The following LATS1 variants were observed in gnomAD, a reference collection of about 807,000 sequenced individuals.
LATS1 encodes large tumor suppressor kinase 1, also known as serine/threonine-protein kinase LATS1.
LATS1 carries 25 observed loss-of-function variants against 106.6 expected under a neutral mutation model. That is an observed-to-expected ratio of 0.23 (90% confidence interval 0.17 to 0.33). The LOEUF is 0.33. Among genes scored for constraint, LATS1 ranks in the 10% least tolerant of loss-of-function variants. The probability of loss-of-function intolerance (pLI) is 1.00; values close to 1 mark genes in which losing one functional copy is unlikely to be tolerated. For synonymous variants in LATS1, 465 were observed against 455.6 expected (o/e 1.02, Z -0.26); for missense variants, 1,040 against 1,382.6 (o/e 0.75, Z 3.93).
Position 149,716,645 on chromosome 6 carries a change from G to A in LATS1, c.-141+1204C>T, listed in dbSNP as rs528797168. On this transcript the variant is annotated intron_variant, in intron 1 of 7. Transcript: ENST00000543571. ...GATATTATACATTAAAAATGTAGTA[G>A]AAGTATTTTTTGGTGAGCAGCAAGG... is the stretch of plus-strand genomic sequence containing the variant. Among the ~76,000 whole-genome samples the A allele has an allele frequency of 2.6e-5, 4 of 152,306 alleles. No homozygotes were observed. In the East Asian group the frequency reaches 7.7e-4, roughly 29 times the overall value.
chr6:149,700,434 C>A (rs1417596123), intron 2 of LATS1, among the ~76,000 whole-genome samples: 1 of 152,118 alleles, frequency 6.6e-6, no homozygotes, highest in African/African-American at 2.4e-5. Flanking sequence ...GATCGCACCA[C>A]TGCACTCCAG....
At chr6:149,704,954 G>A (rs55692529) in intron 1 of LATS1, among the ~76,000 whole-genome samples, 1,742 of 136,194 alleles carry the variant, frequency 0.013, 39 homozygotes, top group African/African-American at 0.046. Context: ...GAGACATGAC[G>A]AAGCCCTGTA....
intron 7 of LATS1, among the ~76,000 whole-genome samples, chr6:149,669,751 C>T (rs1378404488): frequency 6.6e-6 from 1 of 151,568 alleles, no homozygotes; most frequent in South Asian, 2.1e-4. Context: ...AGAGCAAGAC[C>T]TTGTCAAAAG....
chr6:149,717,814 G>A, intron 1 of LATS1, 35 bp downstream of exon 1: 1 of 289,034 alleles, frequency 3.5e-6, no homozygotes, highest in Non-Finnish European at 6.7e-6. Flanking sequence ...TCGAGCACTG[G>A]AGGAGCGCAC....
chr6:149,714,260 C>T (rs1173375846), intron 1 of LATS1, among the ~76,000 whole-genome samples: 1 of 152,156 alleles, frequency 6.6e-6, no homozygotes, highest in Non-Finnish European at 1.5e-5. Context: ...GCATGAGCTA[C>T]CACGCCCAGC....
intron 5 of LATS1, among the ~76,000 whole-genome samples, chr6:149,679,624 TTAA>T (rs1394160985): frequency 2.0e-5 from 3 of 152,042 alleles, no homozygotes; most frequent in African/African-American, 4.8e-5. Flanking sequence ...CTCAAAAATG[TTAA>T]TAATATTTAG....
intron 1 of LATS1, among the ~76,000 whole-genome samples, chr6:149,706,365 G>C (rs1366372337): frequency 6.6e-6 from 1 of 151,852 alleles, no homozygotes; most frequent in Non-Finnish European, 1.5e-5. Context: ...AAAATGAGCT[G>C]AGTGTGGCAG....
At chr6:149,714,577 G>T (rs1479216506) in intron 1 of LATS1, among the ~76,000 whole-genome samples, 2 of 152,050 alleles carry the variant, frequency 1.3e-5, no homozygotes, top group African/African-American at 4.8e-5. Flanking sequence ...AGAAGAAGCT[G>T]TTTAATTTCC....
intron 3 of LATS1, among the ~76,000 whole-genome samples, chr6:149,687,873 CTTT>C (rs1040108644): frequency 9.0e-5 from 12 of 133,850 alleles, no homozygotes; most frequent in African/African-American, 2.5e-4. Context: ...TGACCCTCCT[CTTT>C]TTTTTTTTTT....
In LATS1 at chr6:149,680,244, G is replaced by T. The variant is rs1232064962; in HGVS notation, c.2224C>A (p.Leu742Ile). ...ATKTLRKKDV[L>I]LRNQVAHVKA... Reference sequence around the variant, plus strand: ...ACATGAGCGACTTGATTTCGAAGAAGAACATCTTTCTTTCGAAGAGTTTTT... The same window carrying T: ...ACATGAGCGACTTGATTTCGAAGAATAACATCTTTCTTTCGAAGAGTTTTT... The change falls in exon 5 of 8, where the codon CTT (leucine) becomes ATT (isoleucine). Residue 742 changes from leucine to isoleucine, a missense_variant. Transcript: ENST00000543571. The T allele has an allele frequency of 1.2e-6, 2 of 1,614,010 alleles. No homozygotes were observed. The highest frequency in any genetic ancestry group is 2.7e-5 in the African/African-American group (2 of 75,058).
At chr6:149,704,824 T>G (rs527495090) in intron 1 of LATS1, among the ~76,000 whole-genome samples, 2 of 151,812 alleles carry the variant, frequency 1.3e-5, no homozygotes, top group East Asian at 3.9e-4. Context: ...TGTATGTTAA[T>G]AAAGCTGTTA....
chr6:149,696,386 T>C (rs888739793), intron 2 of LATS1, among the ~76,000 whole-genome samples: 1 of 149,606 alleles, frequency 6.7e-6, no homozygotes, highest in African/African-American at 2.4e-5. Flanking sequence ...CTGACCAACA[T>C]GGTAAAACCC....
chr6:149,661,980 A>G lies in LATS1; in HGVS notation c.3142T>C (p.Trp1048Arg), dbSNP rs1442417164. 1 of 1,614,174 alleles carries G rather than the reference A, an allele frequency of 6.2e-7. No individual in the cohort carries two copies. Among genetic ancestry groups the G allele is most frequent in the Admixed American group, 1.7e-5 (1 of 60,008 alleles). ...TTTTCTTCCTCGTTATCATCACTCC[A>G]TAATTTATCAGGATCAACAGGATCA... The part of the protein sequence containing the change: ...NFDPVDPDKL[W>R]SDDNEEENVN... Residue 1048 changes from tryptophan to arginine, a missense_variant, in exon 8 of 8, where the codon TGG (tryptophan) becomes CGG (arginine). This residue lies in a region of LATS1 where 113 missense variants were observed against 146.3 expected (regional missense o/e 0.77). Coordinates refer to ENST00000543571, the MANE Select transcript of LATS1 (RefSeq NM_004690.4).
At position 149,659,790 on chromosome 6, in the gene LATS1, A is replaced by C. The variant is rs1175566758; in HGVS notation, c.*1939T>G. On this transcript the variant is annotated 3_prime_UTR_variant, in exon 8 of 8. Transcript: ENST00000543571. ...AAATGTTCCATGAACCATGAGGTGA[A>C]GACTGCGATTTCATGATAGCACATT... 8.9e-6 allele frequency: 2 copies of C among 225,940 alleles called. No individual in the cohort carries two copies. Among genetic ancestry groups the C allele is most frequent in the Admixed American group, 1.1e-4 (2 of 17,542 alleles). 14.0% of individuals were successfully genotyped at this position (225,940 alleles called of 1,614,324 possible). A position where few individuals can be genotyped will look rare whatever the true frequency, so the allele number is the denominator to read the frequency against.
Position 149,695,038 on chromosome 6 carries a change from A to G in LATS1, c.496+36T>C, listed in dbSNP as rs1782978750. The G allele has an allele frequency of 3.9e-6, 6 of 1,530,990 alleles. No homozygotes were observed. The East Asian group carries it at 1.4e-4, about 35-fold the overall frequency. The allele number at this position is 1,530,990 out of a possible 1,614,324, so 94.8% of individuals were successfully genotyped here. ...CAGTATTTTTAAACTACACAGTAAA[A>G]GAAGAGATGAGAAAATAAAATATTT... On this transcript the variant is annotated intron_variant, in intron 3 of 7. Coordinates refer to ENST00000543571, the MANE Select transcript of LATS1 (RefSeq NM_004690.4).
intron 4 of LATS1, among the ~76,000 whole-genome samples, chr6:149,681,055 G>A (rs1012372674): frequency 2.0e-5 from 3 of 151,996 alleles, no homozygotes; most frequent in Non-Finnish European, 1.5e-5. Flanking sequence ...GTAAAGGTGC[G>A]ACTCACAGTC....
intron 1 of LATS1, among the ~76,000 whole-genome samples, chr6:149,704,363 A>G (rs1421956139): frequency 6.6e-6 from 1 of 152,232 alleles, no homozygotes; most frequent in Non-Finnish European, 1.5e-5. Context: ...ATCCTAAGCA[A>G]AAAAAGCAAA....
At chr6:149,685,164 G>C (rs1170897345) in intron 3 of LATS1, among the ~76,000 whole-genome samples, 2 of 152,040 alleles carry the variant, frequency 1.3e-5, no homozygotes, top group Non-Finnish European at 2.9e-5. Flanking sequence ...CATGAACCAA[G>C]AAGGCCAACG....
chr6:149,693,778 C>T (rs562033987), intron 3 of LATS1, among the ~76,000 whole-genome samples: 7 of 151,616 alleles, frequency 4.6e-5, no homozygotes, highest in African/African-American at 4.8e-5. Context: ...TCATAGTAAA[C>T]GGATAGGGAG....
Sources: allele counts gnomAD v4.1 joint callset (sites outside exome capture counted in the v4.1 genomes callset), GRCh38; gene constraint gnomAD v4.1.1; regional missense constraint gnomAD v4.1.1; transcripts MANE v1.5; gene names NCBI Gene and HGNC (gene_info 2026-07-23, HGNC 2026-07-21).